The following MON2 variants were observed in gnomAD, a reference collection of about 807,000 sequenced individuals.
The protein encoded by MON2 is MON2 regulator of endosome-to-Golgi trafficking, also known as protein MON2 homolog.
A neutral mutation model predicts 208.6 loss-of-function variants in MON2; 84 were observed. The observed-to-expected ratio is 0.40, with a 90% CI of 0.34 to 0.48. MON2 has a LOEUF of 0.48. Ranked by LOEUF, MON2 falls within the 20% of genes least tolerant of loss-of-function variation. The probability of loss-of-function intolerance (pLI) is 0.59; values close to 1 mark genes in which losing one functional copy is unlikely to be tolerated. For missense variants in MON2, 1,611 were observed against 2,015.4 expected (o/e 0.80, Z 3.84); for synonymous variants, 660 against 694.0 (o/e 0.95, Z 0.77).
chr12:62,521,628 G>A (rs1211550773), intron 8 of MON2, among the ~76,000 whole-genome samples: 2 of 152,146 alleles, frequency 1.3e-5, no homozygotes, highest in East Asian at 3.9e-4. Flanking sequence ...CAAGGGTGAA[G>A]ATAATTAATC....
chr12:62,568,478 A>G (rs914337640), intron 29 of MON2, among the ~76,000 whole-genome samples: 1 of 152,046 alleles, frequency 6.6e-6, no homozygotes, highest in Non-Finnish European at 1.5e-5. Flanking sequence ...CGCTGGGACT[A>G]CAGGTGGGCA....
At chr12:62,580,239 ATTATT>A in intron 31 of MON2, 53 bp from the exon 32 acceptor site, 2 of 1,521,152 alleles carry the variant, frequency 1.3e-6, no homozygotes, top group Non-Finnish European at 1.8e-6. Flanking sequence ...TACTCTAGAA[ATTATT>A]TTAGTCTCTT....
At position 62,552,948 on chromosome 12, in the gene MON2, C is replaced by A; in HGVS notation, c.2984C>A (p.Ala995Glu). The A allele has an allele frequency of 1.9e-6, 3 of 1,614,062 alleles. No individual in the cohort carries two copies. Among genetic ancestry groups the A allele is most frequent in the Non-Finnish European group, 1.7e-6 (2 of 1,179,958 alleles). ...TIEKELNKEE[A>E]AQQKQAEEKG... Reference sequence around the variant, plus strand: ...GAAAAAGAACTAAATAAGGAAGAGGCAGCACAGCAAAAGCAGGCAGAAGAG... The same window carrying A: ...GAAAAAGAACTAAATAAGGAAGAGGAAGCACAGCAAAAGCAGGCAGAAGAG... The change falls in exon 24 of 35, where the codon GCA (alanine) becomes GAA (glutamate). Residue 995 changes from alanine to glutamate, a missense_variant. Ala to Glu is a moderately radical substitution (Grantham distance 107, BLOSUM62 -1). Transcript: ENST00000393630.
In MON2 at chr12:62,508,440, G is replaced by C; in HGVS notation, c.944G>C (p.Arg315Thr). Reference protein sequence around the residue: ...PYFPICMRLLRVVSVLIKQFY... With the variant: ...PYFPICMRLLTVVSVLIKQFY... ...TTTCCTATCTGCATGCGTTTGCTGA[G>C]AGTAGTATCTGTTCTGATTAAGCAG... Residue 315 changes from arginine (R) to threonine (T), a missense_variant, in exon 8 of 35, where the codon AGA becomes ACA. Arg to Thr is a moderately conservative substitution (Grantham distance 71, BLOSUM62 -1). Coordinates refer to ENST00000393630, the MANE Select transcript of MON2 (RefSeq NM_015026.3). 1 of 1,614,124 alleles carries C rather than the reference G, an allele frequency of 6.2e-7. No homozygotes were observed.
chr12:62,546,907 T>C lies in MON2; in HGVS notation c.2588T>C (p.Leu863Ser), dbSNP rs754815547. ...PPLSQNQRLQ[L>S]LLLNPLKEMS... ...TTGCCCCCTTTTCAGAGGCTGCAGT[T>C]GCTTTTATTGAACCCGTTAAAGGAG... The change falls in exon 22 of 35, where the codon TTG (leucine) becomes TCG (serine). Residue 863 changes from leucine (L) to serine (S), a missense_variant. Coordinates refer to ENST00000393630, the MANE Select transcript of MON2 (RefSeq NM_015026.3). The C allele has an allele frequency of 6.2e-7, 1 of 1,603,280 alleles. No homozygotes were observed. Among genetic ancestry groups the C allele is most frequent in the Admixed American group, 1.7e-5 (1 of 58,870 alleles).
intron 24 of MON2, among the ~76,000 whole-genome samples, chr12:62,553,693 T>C (rs1475689016): frequency 6.6e-6 from 1 of 152,240 alleles, no homozygotes; most frequent in Non-Finnish European, 1.5e-5. Context: ...TAATGTTTAT[T>C]CATTAAATTA....
chr12:62,538,837 TG>T (rs1317437631), intron 19 of MON2, among the ~76,000 whole-genome samples: 2 of 152,068 alleles, frequency 1.3e-5, no homozygotes, highest in East Asian at 1.9e-4. Context: ...AATTTATGAT[TG>T]GGGTAATATA....
chr12:62,544,840 T>C lies in MON2; in HGVS notation c.2467-58T>C, dbSNP rs1018355220. The C allele has an allele frequency of 1.1e-5, 18 of 1,579,492 alleles. No individual in the cohort carries two copies. In the African/African-American group the frequency reaches 1.9e-4, roughly 17 times the overall value. On this transcript the variant is annotated intron_variant, in intron 20 of 34. Coordinates refer to ENST00000393630, the MANE Select transcript of MON2 (RefSeq NM_015026.3). ...TGAACATTTGATATAAAATGTAAAA[T>C]TGATGTGTGATTCATAGCTTAAGTA... is the stretch of plus-strand genomic sequence containing the variant.
chr12:62,505,865 C>A (rs928478197), intron 7 of MON2, among the ~76,000 whole-genome samples: 1 of 151,750 alleles, frequency 6.6e-6, no homozygotes, highest in African/African-American at 2.4e-5. Context: ...CACTCCAGCC[C>A]GGGTGACAGA....
chr12:62,513,949 C>CA lies in MON2; in HGVS notation c.984+5480dup, dbSNP rs1173900059. Among the ~76,000 whole-genome samples the CA allele has an allele frequency of 8.8e-4, 117 of 133,084 alleles. 2 individuals are homozygous for CA. The highest frequency in any genetic ancestry group is 2.4e-3 in the South Asian group (10 of 4,208). The allele number at this position is 133,084 out of a possible 152,430, so 87.3% of individuals were successfully genotyped here. A position where few individuals can be genotyped will look rare whatever the true frequency, so the allele number is the denominator to read the frequency against. ...TGGGTGACAGAGCGAGACTCCATCT[C>CA]AAAAAAAAAAAGAAAGAAAGAAAGA... On this transcript the variant is annotated intron_variant, in intron 8 of 34. Coordinates refer to ENST00000393630, the MANE Select transcript of MON2 (RefSeq NM_015026.3).
At chr12:62,491,004 C>T (rs1046428884) in intron 2 of MON2, among the ~76,000 whole-genome samples, 1 of 151,976 alleles carries the variant, frequency 6.6e-6, no homozygotes, top group Non-Finnish European at 1.5e-5. Flanking sequence ...TTGATGGCAT[C>T]TTAGAATCAT....
At chr12:62,587,376 GT>G (rs1376497373) in intron 33 of MON2, among the ~76,000 whole-genome samples, 1 of 135,516 alleles carries the variant, frequency 7.4e-6, no homozygotes, top group African/African-American at 2.6e-5. Flanking sequence ...GTACTAATTA[GT>G]TTAAAAAAAA....
At chr12:62,581,059 C>T (rs2074986526) in intron 32 of MON2, among the ~76,000 whole-genome samples, 1 of 152,126 alleles carries the variant, frequency 6.6e-6, no homozygotes, top group Admixed American at 6.5e-5. Context: ...GACCATATTA[C>T]AGGAAAGAAA....
rs2075483294 is a variant in MON2, at chr12:62,594,600, C to T, written c.*1851C>T. The T allele has an allele frequency of 6.6e-6, 1 of 152,112 alleles. No homozygotes were observed. Among genetic ancestry groups the T allele is most frequent in the South Asian group, 2.1e-4 (1 of 4,826 alleles). 9.4% of individuals were successfully genotyped at this position (152,112 alleles called of 1,614,324 possible). ...CAAGGGTAGTGTACCGATTCAGTAA[C>T]ATGTTAAAAATATTGCTATGCATTT... On this transcript the variant is annotated 3_prime_UTR_variant, in exon 35 of 35. Transcript: ENST00000393630.
rs144295808 is a variant in MON2 at position 62,470,526 on chromosome 12, G to T, written c.111+3208G>T. Among the ~76,000 whole-genome samples, 272 of 152,044 alleles carry T rather than the reference G, an allele frequency of 1.8e-3. 1 individual carries two copies. Among genetic ancestry groups the T allele is most frequent in the African/African-American group, 6.4e-3 (266 of 41,456 alleles). Reference sequence around the variant, plus strand: ...AACTTTTTTTAGTACAACTGTACTAGCTAATTTGGGAATATTGTATGAAAT... The same window carrying T: ...AACTTTTTTTAGTACAACTGTACTATCTAATTTGGGAATATTGTATGAAAT... On this transcript the variant is annotated intron_variant, in intron 1 of 34. Coordinates refer to ENST00000393630, the MANE Select transcript of MON2 (RefSeq NM_015026.3).
Position 62,535,527 on chromosome 12 carries a change from C to T in MON2, c.1718C>T (p.Thr573Ile). The T allele has an allele frequency of 1.3e-6, 2 of 1,594,726 alleles. No homozygotes were observed. The highest frequency in any genetic ancestry group is 1.7e-6 in the Non-Finnish European group (2 of 1,172,744). Reference protein sequence around the residue: ...AALSLLLDASTDEAATENILK... With the variant: ...AALSLLLDASIDEAATENILK... Reference sequence around the variant, plus strand: ...TAAATAAAATACTTTCTTTTCAGCACAGATGAAGCTGCCACTGAGAATATT... The same window carrying T: ...TAAATAAAATACTTTCTTTTCAGCATAGATGAAGCTGCCACTGAGAATATT... The change falls in exon 14 of 35, where the codon ACA (threonine) becomes ATA (isoleucine). Residue 573 changes from threonine (T) to isoleucine (I), a missense_variant and splice_region_variant. Transcript: ENST00000393630.
At position 62,560,964 on chromosome 12, in the gene MON2, G is replaced by A; in HGVS notation, c.3883G>A (p.Asp1295Asn). 6.2e-7 allele frequency: 1 copy of A among 1,613,954 alleles called. No homozygotes were observed. The highest frequency in any genetic ancestry group is 8.5e-7 in the Non-Finnish European group (1 of 1,179,910). ...CATAAAAACTGGTTTCAATATGGAT[G>A]ACTTGCAAAAGTTGGGAGTCATATT... ...QHIKTGFNMD[D>N]LQKLGVILHS... Residue 1295 changes from aspartate (D) to asparagine (N), a missense_variant, in exon 26 of 35, where the codon GAC becomes AAC. Physicochemically the swap from Asp to Asn is conservative, Grantham distance 23. Coordinates refer to ENST00000393630, the MANE Select transcript of MON2 (RefSeq NM_015026.3).
rs1378312283 is a variant in MON2 at position 62,572,883 on chromosome 12, A to G, written c.4514+1301A>G. 1.2e-4 allele frequency among the ~76,000 whole-genome samples: 18 copies of G among 152,322 alleles called. 1 individual carries two copies. In the South Asian group the frequency reaches 2.3e-3, roughly 19 times the overall value. On this transcript the variant is annotated intron_variant, in intron 30 of 34. Transcript: ENST00000393630. The stretch of plus-strand genomic sequence containing the variant: ...GGATTTGATGTACTTGAAGAAAAAA[A>G]CTACATTGGCATATGGATAATGATT...
intron 1 of MON2, among the ~76,000 whole-genome samples, chr12:62,472,870 A>G (rs928809842): frequency 9.8e-5 from 15 of 152,344 alleles, no homozygotes; most frequent in African/African-American, 3.4e-4. Context: ...TAATATATTC[A>G]TGCTTTATAT....
Sources: gnomAD v4.1 joint callset for allele counts (sites outside exome capture counted in the v4.1 genomes callset) on GRCh38, gnomAD v4.1.1 for gene constraint, MANE v1.5 for transcripts, NCBI Gene and HGNC (gene_info 2026-07-23, HGNC 2026-07-21) for gene names.